The following SGCZ variants were observed in gnomAD, a reference collection of about 807,000 sequenced individuals.
SGCZ encodes the protein sarcoglycan zeta.
A neutral mutation model predicts 41.3 loss-of-function variants in SGCZ; 40 were observed. The ratio of observed to expected loss-of-function variants is 0.97; its 90% CI spans 0.75 to 1.26. The LOEUF is 1.26. Among genes scored for constraint, SGCZ ranks in the 50% most tolerant of loss-of-function variants. The pLI is 0.00. For synonymous variants in SGCZ, 206 were observed against 137.5 expected (o/e 1.50, Z -3.49); for missense variants, 552 against 369.8 (o/e 1.49, Z -4.04).
chr8:14,104,579 A>G (rs2116990276), intron 6 of SGCZ, among the ~76,000 whole-genome samples: 1 of 152,202 alleles, frequency 6.6e-6, no homozygotes, highest in East Asian at 1.9e-4. Context: ...AAAGAGAGGG[A>G]AAAGGAAAGG....
At chr8:14,830,095 C>A (rs1313153935) in intron 1 of SGCZ, among the ~76,000 whole-genome samples, 1 of 152,180 alleles carries the variant, frequency 6.6e-6, no homozygotes, top group Non-Finnish European at 1.5e-5. Context: ...CAGGCATGAG[C>A]CACCGCACCC....
chr8:14,357,341 A>G (rs1239462839), intron 2 of SGCZ, among the ~76,000 whole-genome samples: 1 of 152,200 alleles, frequency 6.6e-6, no homozygotes, highest in African/African-American at 2.4e-5. Context: ...AATCTCATTT[A>G]TATCTTCAAT....
chr8:14,610,666 G>A (rs1268476711), intron 1 of SGCZ, among the ~76,000 whole-genome samples: 1 of 152,128 alleles, frequency 6.6e-6, no homozygotes, highest in Admixed American at 6.6e-5. Flanking sequence ...GCATAGAAGT[G>A]ATGATGATAT....
intron 3 of SGCZ, among the ~76,000 whole-genome samples, chr8:14,279,375 C>A (rs1800344838): frequency 6.6e-6 from 1 of 151,960 alleles, no homozygotes; most frequent in African/African-American, 2.4e-5. Context: ...CTAAAATATA[C>A]TGCATTTCAG....
chr8:14,950,813 A>G (rs1412506204), intron 1 of SGCZ, among the ~76,000 whole-genome samples: 1 of 152,092 alleles, frequency 6.6e-6, no homozygotes, highest in Non-Finnish European at 1.5e-5. Context: ...AATATTACCC[A>G]TAATGAAATT....
intron 4 of SGCZ, among the ~76,000 whole-genome samples, chr8:14,209,518 A>G (rs1315493405): frequency 6.6e-6 from 1 of 152,126 alleles, no homozygotes; most frequent in Non-Finnish European, 1.5e-5. Flanking sequence ...CTATTACATA[A>G]GAAGTGCTTA....
intron 2 of SGCZ, among the ~76,000 whole-genome samples, chr8:14,444,039 C>T (rs1260954513): frequency 6.6e-6 from 1 of 152,124 alleles, no homozygotes; most frequent in African/African-American, 2.4e-5. Context: ...GACATTTATG[C>T]AGCCAAAAGA....
intron 1 of SGCZ, among the ~76,000 whole-genome samples, chr8:14,959,317 T>C (rs1039651911): frequency 6.6e-6 from 1 of 152,104 alleles, no homozygotes; most frequent in Non-Finnish European, 1.5e-5. Context: ...TAACTGATGA[T>C]ATGCTTTCTT....
chr8:14,311,586 T>C (rs989946666), intron 3 of SGCZ, among the ~76,000 whole-genome samples: 4 of 152,176 alleles, frequency 2.6e-5, no homozygotes, highest in Non-Finnish European at 5.9e-5. Context: ...TACAATTTCA[T>C]TCTACGATCT....
intron 1 of SGCZ, among the ~76,000 whole-genome samples, chr8:14,896,987 T>C (rs778096752): frequency 6.6e-6 from 1 of 151,070 alleles, no homozygotes; most frequent in Non-Finnish European, 1.5e-5. Flanking sequence ...CTTCACCACA[T>C]TGGTCAGGCT....
chr8:14,273,801 C>T (rs570519072), intron 3 of SGCZ, among the ~76,000 whole-genome samples: 116 of 152,162 alleles, frequency 7.6e-4, no homozygotes, highest in Non-Finnish European at 1.2e-3. Context: ...AATAGCCTCT[C>T]GAGAGATGCA....
rs533906186 is a variant in SGCZ at position 14,490,246 on chromosome 8, C to G, written c.234+64486G>C. Among the ~76,000 whole-genome samples, 5 of 152,252 alleles carry G rather than the reference C, an allele frequency of 3.3e-5. No individual in the cohort carries two copies. The East Asian group carries it at 9.7e-4, about 29-fold the overall frequency. On this transcript the variant is annotated intron_variant, in intron 2 of 7. Transcript: ENST00000382080. ...TGTATAAGATAATATTAGATTGAAT[C>G]TCACAATCACACTCAGCTTGATTAC... is the stretch of plus-strand genomic sequence containing the variant.
At chr8:15,092,199 A>G (rs972523068) in intron 1 of SGCZ, among the ~76,000 whole-genome samples, 9 of 152,180 alleles carry the variant, frequency 5.9e-5, no homozygotes, top group Non-Finnish European at 1.3e-4. Flanking sequence ...AACCTTAGAC[A>G]TGTCTTTTAA....
intron 1 of SGCZ, among the ~76,000 whole-genome samples, chr8:14,986,910 T>A (rs1282122495): frequency 6.6e-6 from 1 of 151,988 alleles, no homozygotes; most frequent in Non-Finnish European, 1.5e-5. Flanking sequence ...GGATTAAATA[T>A]AAAATGTTCT....
At chr8:14,272,127 C>A (rs1338941968) in intron 3 of SGCZ, among the ~76,000 whole-genome samples, 2 of 152,152 alleles carry the variant, frequency 1.3e-5, no homozygotes, top group African/African-American at 4.8e-5. Context: ...CCTCAGCCTC[C>A]TGAGTAGCTG....
chr8:14,210,117 G>C (rs917100767), intron 4 of SGCZ, among the ~76,000 whole-genome samples: 2 of 152,120 alleles, frequency 1.3e-5, no homozygotes, highest in Non-Finnish European at 2.9e-5. Flanking sequence ...GAACGCAGTT[G>C]TGTGATCCTG....
chr8:14,219,162 T>C (rs909581695), intron 4 of SGCZ, among the ~76,000 whole-genome samples: 2 of 152,178 alleles, frequency 1.3e-5, no homozygotes, highest in Admixed American at 6.5e-5. Flanking sequence ...GGATTTTTGA[T>C]GACAACCAGT....
intron 2 of SGCZ, among the ~76,000 whole-genome samples, chr8:14,328,958 T>C (rs1802221184): frequency 6.6e-6 from 1 of 152,214 alleles, no homozygotes. Context: ...AGCAACACTG[T>C]GCCAACTTGG....
intron 1 of SGCZ, among the ~76,000 whole-genome samples, chr8:14,698,685 C>T (rs930874535): frequency 1.3e-5 from 2 of 151,860 alleles, no homozygotes; most frequent in African/African-American, 4.8e-5. Context: ...GCCAGATAAA[C>T]TTCAGATTCA....
Sources: allele counts gnomAD v4.1 joint callset (sites outside exome capture counted in the v4.1 genomes callset), GRCh38; gene constraint gnomAD v4.1.1; transcripts MANE v1.5; gene names NCBI Gene and HGNC (gene_info 2026-07-23, HGNC 2026-07-21).